The following TTC29 variants were observed in gnomAD, a reference collection of about 807,000 sequenced individuals.
TTC29 encodes tetratricopeptide repeat domain 29, also known as tetratricopeptide repeat protein 29.
In TTC29, 49 loss-of-function variants were observed where a neutral mutation model predicts 58.1. The observed-to-expected ratio is 0.84, with a 90% CI of 0.67 to 1.07. TTC29 has a LOEUF of 1.07. Ranked by LOEUF, TTC29 falls within the 50% of genes least tolerant of loss-of-function variation. The pLI is 0.00. For synonymous variants in TTC29, 209 were observed against 196.8 expected, an observed-to-expected ratio of 1.06 and a Z score of -0.52; for missense variants, 582 against 555.6, an observed-to-expected ratio of 1.05 and a Z score of -0.48.
intron 8 of TTC29, among the ~76,000 whole-genome samples, chr4:146,867,248 T>C (rs1038961530): frequency 2.0e-5 from 3 of 152,176 alleles, no homozygotes; most frequent in Non-Finnish European, 4.4e-5. Context: ...TATTACTCTA[T>C]TTATTTAATT....
intron 6 of TTC29, among the ~76,000 whole-genome samples, chr4:146,898,248 G>A (rs1426384494): frequency 1.3e-5 from 2 of 152,262 alleles, no homozygotes; most frequent in African/African-American, 4.8e-5. Context: ...TTATAGTGGT[G>A]GCCTCCTCCA....
At chr4:146,832,021 C>G (rs2150155729) in intron 9 of TTC29, among the ~76,000 whole-genome samples, 1 of 152,272 alleles carries the variant, frequency 6.6e-6, no homozygotes, top group East Asian at 1.9e-4. Flanking sequence ...CTCAGCCTCC[C>G]AAGTAACTGA....
intron 9 of TTC29, among the ~76,000 whole-genome samples, chr4:146,829,297 T>C (rs964303696): frequency 6.6e-6 from 1 of 152,230 alleles, no homozygotes; most frequent in Non-Finnish European, 1.5e-5. Flanking sequence ...TATATCACAC[T>C]TGGCCTACTG....
In TTC29 at chr4:146,924,190, C is replaced by A. The variant is rs547788836; in HGVS notation, c.176+13404G>T. On this transcript the variant is annotated intron_variant, in intron 4 of 12. Transcript: ENST00000325106. ...CTCAGTTTCCTGATCATCTCCTTAA[C>A]CCTAATTAATACATGTGATAGGTTT... Among the ~76,000 whole-genome samples, 21 of 151,906 alleles carry A rather than the reference C, an allele frequency of 1.4e-4. No homozygotes were observed. In the South Asian group the frequency reaches 4.1e-3, roughly 30 times the overall value.
At position 146,909,204 on chromosome 4, in the gene TTC29, TCGCAG is replaced by T. The variant is rs759110348; in HGVS notation, c.217_221del (p.Leu73ArgfsTer5). 4.0e-5 allele frequency: 64 copies of T among 1,613,518 alleles called. No individual in the cohort carries two copies. In the African/African-American group the frequency reaches 7.3e-4, roughly 19 times the overall value. ...CGGTGAAGGACTTATGATAACCATC[TCGCAG>T]CATGTCCACACAGATATTCTTCTTG... On this transcript the variant is annotated frameshift_variant, in exon 5 of 13. Transcript: ENST00000325106. LOFTEE classifies it high-confidence loss of function.
At chr4:146,761,960 A>T (rs1746941036) in intron 11 of TTC29, among the ~76,000 whole-genome samples, 1 of 152,006 alleles carries the variant, frequency 6.6e-6, no homozygotes, top group East Asian at 1.9e-4. Context: ...TAGCAGATTT[A>T]AAAAAACAAA....
At chr4:146,888,145 G>A (rs572091452) in intron 6 of TTC29, among the ~76,000 whole-genome samples, 27 of 152,192 alleles carry the variant, frequency 1.8e-4, no homozygotes, top group African/African-American at 5.8e-4. Flanking sequence ...AGGTGGTTTC[G>A]TTTTTTAATC....
chr4:146,850,648 C>G (rs760057132), intron 8 of TTC29, among the ~76,000 whole-genome samples: 22 of 152,236 alleles, frequency 1.4e-4, no homozygotes, highest in African/African-American at 4.6e-4. Flanking sequence ...TTTTCAAAAC[C>G]CATTTTGAAG....
chr4:146,885,504 A>G (rs1393980986), intron 6 of TTC29, among the ~76,000 whole-genome samples: 3 of 152,050 alleles, frequency 2.0e-5, no homozygotes, highest in African/African-American at 7.2e-5. Context: ...GACATTCCAT[A>G]TTATTTATTT....
intron 6 of TTC29, among the ~76,000 whole-genome samples, chr4:146,903,326 C>CA (rs1453950678): frequency 2.6e-5 from 4 of 152,088 alleles, no homozygotes; most frequent in Non-Finnish European, 5.9e-5. Context: ...GCTGAGCACT[C>CA]AGGCAGAAGC....
intron 11 of TTC29, among the ~76,000 whole-genome samples, chr4:146,751,394 C>G (rs1300552827): frequency 6.6e-6 from 1 of 152,166 alleles, no homozygotes; most frequent in African/African-American, 2.4e-5. Context: ...TTCCACCAAA[C>G]AGCAGAAAAT....
chr4:146,770,232 A>G (rs1198725337), intron 11 of TTC29, among the ~76,000 whole-genome samples: 4 of 151,980 alleles, frequency 2.6e-5, no homozygotes, highest in Admixed American at 2.6e-4. Context: ...TCTGAAGTGC[A>G]GCCAGAGTAG....
chr4:146,764,957 T>C (rs1051582388), intron 11 of TTC29, among the ~76,000 whole-genome samples: 2 of 152,160 alleles, frequency 1.3e-5, no homozygotes, highest in Non-Finnish European at 2.9e-5. Context: ...TTTCATGATC[T>C]CACGTTTCAT....
chr4:146,708,340 A>ATATATATATATATATATATATACATG (rs1561046985), intron 11 of TTC29, among the ~76,000 whole-genome samples: 2 of 40,450 alleles, frequency 4.9e-5, no homozygotes, highest in African/African-American at 1.3e-4. Context: ...ATATATATAT[A>ATATATATATATATATATATATACATG]TATATATATA....
chr4:146,869,777 TA>T (rs1730809507), intron 7 of TTC29, among the ~76,000 whole-genome samples: 1 of 152,166 alleles, frequency 6.6e-6, no homozygotes, highest in Admixed American at 6.6e-5. Flanking sequence ...AAACACCAAA[TA>T]TTAGTTTTTA....
intron 9 of TTC29, among the ~76,000 whole-genome samples, chr4:146,829,151 C>T (rs193300244): frequency 8.0e-4 from 122 of 152,232 alleles, no homozygotes; most frequent in Middle Eastern, 6.8e-3. Flanking sequence ...AACATATATT[C>T]GGAGGAACAG....
Position 146,731,348 on chromosome 4 carries a change from C to T in TTC29, c.1331-23797G>A, listed in dbSNP as rs1034186065. On this transcript the variant is annotated intron_variant, in intron 11 of 12. Coordinates refer to ENST00000325106, the MANE Select transcript of TTC29 (RefSeq NM_031956.4). Reference sequence around the variant, plus strand: ...CTGGGAGAGAGGGAGAGAGAACGAACCAGGGAAATACAGTGATTGGAATTA... The same window carrying T: ...CTGGGAGAGAGGGAGAGAGAACGAATCAGGGAAATACAGTGATTGGAATTA... 3.3e-5 allele frequency among the ~76,000 whole-genome samples: 5 copies of T among 151,810 alleles called. No homozygotes were observed. In the South Asian group the frequency reaches 1.0e-3, roughly 32 times the overall value.
chr4:146,737,535 A>G (rs909846648), intron 11 of TTC29, among the ~76,000 whole-genome samples: 1 of 137,222 alleles, frequency 7.3e-6, no homozygotes, highest in African/African-American at 2.7e-5. Flanking sequence ...GGGGCAGATT[A>G]TCTGGTCGGA....
In TTC29 at chr4:146,751,848, A is replaced by T. The variant is rs139421202; in HGVS notation, c.1331-44297T>A. On this transcript the variant is annotated intron_variant, in intron 11 of 12. Transcript: ENST00000325106. The stretch of plus-strand genomic sequence containing the variant: ...AAATCATAAAAATCAGAACAGAAAT[A>T]AATCAAATACAAAATAGAAAAATCA... Among the ~76,000 whole-genome samples, 312 of 152,306 alleles carry T rather than the reference A, an allele frequency of 2.0e-3. 1 individual carries two copies. Among genetic ancestry groups the T allele is most frequent in the Middle Eastern group, 6.8e-3 (2 of 294 alleles).
Sources: allele counts gnomAD v4.1 joint callset (sites outside exome capture counted in the v4.1 genomes callset), GRCh38; gene constraint gnomAD v4.1.1; transcripts MANE v1.5; gene names NCBI Gene and HGNC (gene_info 2026-07-23, HGNC 2026-07-21).